KCNU1: variants seen among roughly 807,000 people sequenced by gnomAD.
KCNU1 encodes the protein potassium calcium-activated channel subfamily U member 1.
A neutral mutation model predicts 126.8 loss-of-function variants in KCNU1; 93 were observed. That is an observed-to-expected ratio of 0.73 (90% CI 0.62 to 0.87). The LOEUF is 0.87. Ranked by LOEUF, KCNU1 falls within the 40% of genes least tolerant of loss-of-function variation. The pLI is 0.00. For missense variants in KCNU1, 1,330 were observed against 1,367.1 expected, an observed-to-expected ratio of 0.97 and a Z score of 0.43; for synonymous variants, 523 against 494.2, an observed-to-expected ratio of 1.06 and a Z score of -0.77.
intron 2 of KCNU1, among the ~76,000 whole-genome samples, chr8:36,794,571 G>T (rs1457410389): frequency 6.6e-6 from 1 of 151,742 alleles, no homozygotes; most frequent in Non-Finnish European, 1.5e-5. Flanking sequence ...ACCAGTTCAG[G>T]ATGAGCATTT....
At chr8:36,931,258 A>T in intron 25 of KCNU1, 113 bp downstream of exon 25, 1 of 567,308 alleles carries the variant, frequency 1.8e-6, no homozygotes, top group Non-Finnish European at 3.0e-6. Context: ...AAATGATAAC[A>T]ATAAAAATAA....
At chr8:36,844,456 A>G (rs1805069676) in intron 16 of KCNU1, among the ~76,000 whole-genome samples, 1 of 152,186 alleles carries the variant, frequency 6.6e-6, no homozygotes. Context: ...ATCAGCCAAT[A>G]ATATTTAAGG....
chr8:36,843,912 A>T (rs1805047155), intron 16 of KCNU1, among the ~76,000 whole-genome samples: 1 of 152,218 alleles, frequency 6.6e-6, no homozygotes, highest in Admixed American at 6.5e-5. Flanking sequence ...TCTCTGATAG[A>T]GCAACCAGCC....
At chr8:36,921,056 T>C (rs1436372053) in intron 23 of KCNU1, among the ~76,000 whole-genome samples, 1 of 152,134 alleles carries the variant, frequency 6.6e-6, no homozygotes, top group East Asian at 1.9e-4. Flanking sequence ...GGCTATCCTA[T>C]TTGCAAACCA....
intron 19 of KCNU1, 116 bp from the exon 20 acceptor site, chr8:36,905,592 T>C: frequency 1.4e-6 from 1 of 706,398 alleles, no homozygotes; most frequent in Admixed American, 2.0e-5. Flanking sequence ...CCTGAGGTCA[T>C]TCTACTTATG....
Position 36,910,962 on chromosome 8 carries a change from G to T in KCNU1, c.2364G>T (p.Ala788=). The T allele has an allele frequency of 6.2e-7, 1 of 1,612,416 alleles. No individual in the cohort carries two copies. The highest frequency in any genetic ancestry group is 8.5e-7 in the Non-Finnish European group (1 of 1,179,154). ...GCALYSGDLH[A]ANIEQCSMCA... is the part of the protein sequence containing the mutation. ...CACTTTATTCTGGAGACCTCCATGC[G>T]GCCAACATAGAGCAATGCTCCATGT... Residue 788 remains alanine (A), a synonymous_variant, in exon 22 of 27, where the codon GCG becomes GCT. Coordinates refer to ENST00000399881, the MANE Select transcript of KCNU1 (RefSeq NM_001031836.3).
chr8:36,828,242 A>G (rs1036417434), intron 10 of KCNU1, among the ~76,000 whole-genome samples: 5 of 152,156 alleles, frequency 3.3e-5, no homozygotes, highest in African/African-American at 4.8e-5. Context: ...CATAACATTC[A>G]TAATTGGTTT....
intron 2 of KCNU1, among the ~76,000 whole-genome samples, chr8:36,791,808 T>C (rs980347540): frequency 1.3e-5 from 2 of 152,220 alleles, no homozygotes; most frequent in Admixed American, 1.3e-4. Flanking sequence ...AGTCTCTTCA[T>C]ATTTTATATG....
Position 36,845,595 on chromosome 8 carries a change from T to G in KCNU1, c.1719T>G (p.Asn573Lys). ...FTDGFCGLIL[N>K]PPPQVRIRKN... ...TTGTTTCCAGTGGTCTGATACTAAA[T>G]CCACCTCCACAAGTGAGGATACGTA... The change falls in exon 17 of 27, where the codon AAT becomes AAG. Residue 573 changes from asparagine to lysine, a missense_variant. Coordinates refer to ENST00000399881, the MANE Select transcript of KCNU1 (RefSeq NM_001031836.3). The G allele has an allele frequency of 6.2e-7, 1 of 1,606,064 alleles. No homozygotes were observed. The highest frequency in any genetic ancestry group is 1.1e-5 in the South Asian group (1 of 90,702).
intron 2 of KCNU1, among the ~76,000 whole-genome samples, chr8:36,800,844 A>C (rs1803276953): frequency 6.6e-6 from 1 of 152,248 alleles, no homozygotes. Flanking sequence ...TATTGGAAGG[A>C]AAGAAAACTG....
intron 10 of KCNU1, among the ~76,000 whole-genome samples, chr8:36,827,600 A>G (rs1028072458): frequency 2.0e-5 from 3 of 152,122 alleles, no homozygotes; most frequent in Non-Finnish European, 4.4e-5. Context: ...CAGCTTTTTT[A>G]TATATCTTCA....
At chr8:36,798,891 G>A (rs760516614) in intron 2 of KCNU1, among the ~76,000 whole-genome samples, 7 of 152,086 alleles carry the variant, frequency 4.6e-5, no homozygotes, top group Non-Finnish European at 1.0e-4. Flanking sequence ...GCTGTGTCAC[G>A]GGCCATGGTC....
At chr8:36,855,595 T>C (rs1805499958) in intron 18 of KCNU1, among the ~76,000 whole-genome samples, 1 of 152,160 alleles carries the variant, frequency 6.6e-6, no homozygotes, top group Non-Finnish European at 1.5e-5. Context: ...AACACAAATC[T>C]TATATCTCTT....
chr8:36,911,087 ACTC>A lies in KCNU1; in HGVS notation c.2496_2498del (p.Ser833del). 6.2e-7 allele frequency: 1 copy of A among 1,613,144 alleles called. No homozygotes were observed. The highest frequency in any genetic ancestry group is 8.5e-7 in the Non-Finnish European group (1 of 1,179,552). On this transcript the variant is annotated inframe_deletion, in exon 22 of 27. Coordinates refer to ENST00000399881, the MANE Select transcript of KCNU1 (RefSeq NM_001031836.3). ...CTCACCATCGGATCCTTGCAAATTG[ACTC>A]CTCCTCTGACCCGTCACCCTCAGTG... is the stretch of plus-strand genomic sequence containing the variant.
chr8:36,805,880 G>A, intron 4 of KCNU1, among the ~76,000 whole-genome samples: 1 of 151,562 alleles, frequency 6.6e-6, no homozygotes, highest in East Asian at 1.9e-4. Flanking sequence ...GTCTTGCTTT[G>A]TCACCTAGGC....
intron 24 of KCNU1, among the ~76,000 whole-genome samples, chr8:36,930,154 A>T (rs1285678656): frequency 6.6e-6 from 1 of 152,122 alleles, no homozygotes; most frequent in Non-Finnish European, 1.5e-5. Flanking sequence ...TTAAAAATAT[A>T]TATTCAATAA....
At chr8:36,888,865 A>G in intron 19 of KCNU1, 1 of 451,816 alleles carries the variant, frequency 2.2e-6, no homozygotes, top group South Asian at 1.7e-5. Context: ...TGCTAATTTT[A>G]AAAACTACTA....
At position 36,805,233 on chromosome 8, in the gene KCNU1, T is replaced by C. The variant is rs373536910; in HGVS notation, c.416T>C (p.Ile139Thr). 5 of 1,610,692 alleles carry C rather than the reference T, an allele frequency of 3.1e-6. No individual in the cohort carries two copies. In the African/African-American group the frequency reaches 5.3e-5, roughly 17 times the overall value. Residue 139 changes from isoleucine to threonine, a missense_variant, in exon 4 of 27, where the codon ATT becomes ACT. Transcript: ENST00000399881. ...TGTTCATCATATGAAGACAAAACCA[T>C]TCCTATTGATTTGGTTTTCAATGCT... is the stretch of plus-strand genomic sequence containing the variant. ...GSCSSYEDKT[I>T]PIDLVFNAFF...
At chr8:36,909,725 T>C (rs751113174) in intron 21 of KCNU1, among the ~76,000 whole-genome samples, 190 bp downstream of exon 21, 9 of 152,184 alleles carry the variant, frequency 5.9e-5, no homozygotes, top group Non-Finnish European at 8.8e-5. Context: ...TTATTGAACT[T>C]TAAGCACCGG....
Sources: allele counts gnomAD v4.1 joint callset (sites outside exome capture counted in the v4.1 genomes callset), GRCh38; gene constraint gnomAD v4.1.1; transcripts MANE v1.5; gene names NCBI Gene and HGNC (gene_info 2026-07-23, HGNC 2026-07-21).